Variants in WDR49 observed in about 807,000 individuals in gnomAD.
WDR49 encodes cilia- and flagella-associated protein 337.
In WDR49, 107 loss-of-function variants were observed where a neutral mutation model predicts 119.5. The observed-to-expected ratio is 0.90, with a 90% CI of 0.77 to 1.05. WDR49 has a LOEUF of 1.05. Ranked by LOEUF, WDR49 falls within the 50% of genes least tolerant of loss-of-function variation. The pLI is 0.00. For synonymous variants in WDR49, 425 were observed against 418.8 expected (o/e 1.01, Z -0.18); for missense variants, 1,240 against 1,220.5 (o/e 1.02, Z -0.24).
In WDR49 at chr3:167,522,479, C is replaced by G; in HGVS notation, c.2610G>C (p.Lys870Asn). Residue 870 changes from lysine (K) to asparagine (N), a missense_variant, in exon 16 of 19, where the codon AAG becomes AAC. Coordinates refer to ENST00000682715, the MANE Select transcript of WDR49 (RefSeq NM_001366157.1). ...AAAGGCAGTTTTCAATATGCCAGTG[C>G]TTTGCCTGAAAAAAACGAAAACATC... Reference protein sequence around the residue: ...NAPVWIFGQAKHWHIENCLFL... With the variant: ...NAPVWIFGQANHWHIENCLFL... 1 of 1,584,564 alleles carries G rather than the reference C, an allele frequency of 6.3e-7. No homozygotes were observed. Among genetic ancestry groups the G allele is most frequent in the Non-Finnish European group, 8.5e-7 (1 of 1,173,034 alleles).
At chr3:167,614,820 C>T (rs764717273) in intron 5 of WDR49, among the ~76,000 whole-genome samples, 11 of 152,084 alleles carry the variant, frequency 7.2e-5, no homozygotes, top group African/African-American at 9.7e-5. Flanking sequence ...CACACTGAGA[C>T]GAAAATCACC....
chr3:167,620,387 C>T (rs1407827428), intron 5 of WDR49, 42 bp downstream of exon 5: 1 of 1,509,576 alleles, frequency 6.6e-7, no homozygotes, highest in Admixed American at 2.0e-5. Context: ...ATGTACAAGT[C>T]AGAGGTGACC....
At chr3:167,616,758 C>T (rs1716614563) in intron 5 of WDR49, among the ~76,000 whole-genome samples, 1 of 152,026 alleles carries the variant, frequency 6.6e-6, no homozygotes, top group Non-Finnish European at 1.5e-5. Flanking sequence ...TAAAGACATA[C>T]ACACATATAC....
intron 7 of WDR49, among the ~76,000 whole-genome samples, chr3:167,601,393 C>T (rs570938390): frequency 9.2e-4 from 140 of 152,260 alleles, no homozygotes; most frequent in African/African-American, 3.3e-3. Flanking sequence ...CAAAGACTAT[C>T]TTCAATACAC....
At chr3:167,657,499 C>G (rs1447591245), upstream of WDR49, among the ~76,000 whole-genome samples, 1 of 151,968 alleles carries the variant, frequency 6.6e-6, no homozygotes. Context: ...ATAACATGCC[C>G]TACAAGGCAG....
intron 2 of WDR49, among the ~76,000 whole-genome samples, chr3:167,628,265 G>A (rs559635920): frequency 8.5e-5 from 13 of 152,088 alleles, no homozygotes; most frequent in African/African-American, 3.1e-4. Flanking sequence ...AGAGTTTCAC[G>A]TCTCTCACTT....
intron 8 of WDR49, chr3:167,574,980 C>T (rs763263048): frequency 5.5e-5 from 44 of 801,590 alleles, no homozygotes; most frequent in African/African-American, 4.8e-4. Context: ...AATAGTGACA[C>T]GACACACTAC....
intron 10 of WDR49, among the ~76,000 whole-genome samples, chr3:167,543,182 T>G (rs1711948444): frequency 6.6e-6 from 1 of 151,894 alleles, no homozygotes; most frequent in Non-Finnish European, 1.5e-5. Flanking sequence ...CAGGACTGGA[T>G]GGATTCATAG....
chr3:167,628,704 A>G (rs1423660798), intron 2 of WDR49, among the ~76,000 whole-genome samples: 1 of 152,186 alleles, frequency 6.6e-6, no homozygotes, highest in African/African-American at 2.4e-5. Flanking sequence ...TGGAAGCTGC[A>G]GCAAGTTATC....
At chr3:167,487,557 C>T (rs557109233) in intron 18 of WDR49, among the ~76,000 whole-genome samples, 35 of 152,176 alleles carry the variant, frequency 2.3e-4, no homozygotes, top group African/African-American at 1.9e-4. Flanking sequence ...AAAGCTTCAT[C>T]ACAGCAAAAC....
In WDR49 at chr3:167,530,518, A is replaced by C. The variant is rs866555711; in HGVS notation, c.2218+597T>G. On this transcript the variant is annotated intron_variant, in intron 13 of 18. Coordinates refer to ENST00000682715, the MANE Select transcript of WDR49 (RefSeq NM_001366157.1). ...ATATCATATAACTACAGTAAATCAT[A>C]AAATAGCATCAATGTTAGTATACAT... Among the ~76,000 whole-genome samples, 8 of 152,224 alleles carry C rather than the reference A, an allele frequency of 5.3e-5. No individual in the cohort carries two copies. In the South Asian group the frequency reaches 8.3e-4, roughly 16 times the overall value.
At chr3:167,644,963 T>C (rs1306994256) in intron 2 of WDR49, among the ~76,000 whole-genome samples, 1 of 152,048 alleles carries the variant, frequency 6.6e-6, no homozygotes, top group Non-Finnish European at 1.5e-5. Context: ...TATGTAGCAT[T>C]CTTTCTTGAA....
rs560965691 is a variant in WDR49 at position 167,643,853 on chromosome 3, G to T, written c.165+9408C>A. 5.5e-4 allele frequency among the ~76,000 whole-genome samples: 83 copies of T among 151,974 alleles called. 1 individual carries two copies. The highest frequency in any genetic ancestry group is 4.5e-3 in the Admixed American group (69 of 15,220). On this transcript the variant is annotated intron_variant, in intron 2 of 18. Transcript: ENST00000682715. The stretch of plus-strand genomic sequence containing the variant: ...ATTTTACTGATAATAGCAAGTTTGG[G>T]GAGGGGATCATAATAGTGAATGATG...
In WDR49 at chr3:167,583,450, T is replaced by C. The variant is rs547423412; in HGVS notation, c.1276-7299A>G. On this transcript the variant is annotated intron_variant, in intron 7 of 18. Coordinates refer to ENST00000682715, the MANE Select transcript of WDR49 (RefSeq NM_001366157.1). ...GTGGCCACATCTGTAATCTCAGCAC[T>C]TTGGGAGGCCGAGGTGGGAAAATCA... 1.3e-4 allele frequency among the ~76,000 whole-genome samples: 20 copies of C among 152,082 alleles called. 1 individual carries two copies. The South Asian group carries it at 3.3e-3, about 25-fold the overall frequency.
rs1752757414 is a variant in WDR49 at position 167,529,303 on chromosome 3, A to C, written c.2219-64T>G. 6.9e-6 allele frequency: 10 copies of C among 1,446,008 alleles called. No individual in the cohort carries two copies. The Middle Eastern group carries it at 5.5e-4, about 79-fold the overall frequency. The allele number at this position is 1,446,008 out of a possible 1,614,324, so 89.6% of individuals were successfully genotyped here. A position where few individuals can be genotyped will look rare whatever the true frequency, so the allele number is the denominator to read the frequency against. On this transcript the variant is annotated intron_variant, in intron 13 of 18. Coordinates refer to ENST00000682715, the MANE Select transcript of WDR49 (RefSeq NM_001366157.1). The stretch of plus-strand genomic sequence containing the variant: ...AACAAATGCCAGAAATAACTTCTTC[A>C]GTGGCTTTCCCTGTGGAAAGCATGT...
chr3:167,525,303 T>G (rs899771877), intron 15 of WDR49, among the ~76,000 whole-genome samples: 7 of 152,266 alleles, frequency 4.6e-5, no homozygotes, highest in Admixed American at 2.6e-4. Context: ...AAGGAGTTTT[T>G]GGGCTGAGAC....
chr3:167,559,295 C>T (rs1418183867), intron 9 of WDR49, among the ~76,000 whole-genome samples: 1 of 152,124 alleles, frequency 6.6e-6, no homozygotes, highest in Admixed American at 6.6e-5. Context: ...GAGAAACATT[C>T]AAAGTTTATT....
intron 8 of WDR49, chr3:167,566,998 C>A: frequency 2.0e-6 from 1 of 509,750 alleles, no homozygotes; most frequent in Non-Finnish European, 3.5e-6. Flanking sequence ...GAGAGGTGGG[C>A]ACACTTGGTG....
chr3:167,618,588 A>G (rs745430581), intron 5 of WDR49, among the ~76,000 whole-genome samples: 1 of 152,170 alleles, frequency 6.6e-6, no homozygotes, highest in Non-Finnish European at 1.5e-5. Context: ...TTAACTATAT[A>G]TGTACATCTA....
Sources: gnomAD v4.1 joint callset for allele counts (sites outside exome capture counted in the v4.1 genomes callset) on GRCh38, gnomAD v4.1.1 for gene constraint, MANE v1.5 for transcripts, NCBI Gene and HGNC (gene_info 2026-07-23, HGNC 2026-07-21) for gene names.